The following DDX60 variants were observed in gnomAD, a reference collection of about 807,000 sequenced individuals.
DDX60 encodes DExD/H-box helicase 60.
A neutral mutation model predicts 212.8 loss-of-function variants in DDX60; 165 were observed. The ratio of observed to expected loss-of-function variants is 0.78; its 90% CI spans 0.68 to 0.88. The LOEUF (loss-of-function observed/expected upper bound fraction) is 0.88. DDX60 is among the 40% of genes least tolerant of loss of function. DDX60 has a pLI of 0.00. For missense variants in DDX60, 1,905 were observed against 2,003.9 expected, an observed-to-expected ratio of 0.95 and a Z score of 0.94; for synonymous variants, 703 against 685.3, an observed-to-expected ratio of 1.03 and a Z score of -0.40.
chr4:168,233,068 A>C (rs181928989), intron 33 of DDX60, among the ~76,000 whole-genome samples: 1 of 152,282 alleles, frequency 6.6e-6, no homozygotes, highest in East Asian at 1.9e-4. Context: ...GACAATTCTC[A>C]AAAGAAAATA....
intron 14 of DDX60, among the ~76,000 whole-genome samples, chr4:168,278,001 A>G (rs962030203): frequency 6.6e-6 from 1 of 152,092 alleles, no homozygotes; most frequent in Non-Finnish European, 1.5e-5. Flanking sequence ...GTTACTTAGT[A>G]GCCACCTTGA....
chr4:168,253,309 G>A (rs147989446), intron 26 of DDX60, among the ~76,000 whole-genome samples: 39 of 151,982 alleles, frequency 2.6e-4, no homozygotes, highest in African/African-American at 8.4e-4. Flanking sequence ...TCTCTTCCTC[G>A]GCCTTCATGA....
upstream of DDX60, among the ~76,000 whole-genome samples, chr4:168,320,056 G>C (rs533563502): frequency 3.9e-5 from 6 of 152,250 alleles, no homozygotes; most frequent in South Asian, 1.2e-3. Flanking sequence ...ACACATGATT[G>C]GTCTTAAATC....
At chr4:168,325,733 G>A in the DDX60 span, among the ~76,000 whole-genome samples, 9 of 152,346 alleles carry the variant, frequency 5.9e-5, no homozygotes, top group African/African-American at 1.9e-4. Context: ...CCAAATAGTC[G>A]TGAACAAACT....
chr4:168,218,654 T>C (rs1447405723), intron 37 of DDX60, among the ~76,000 whole-genome samples: 1 of 152,104 alleles, frequency 6.6e-6, no homozygotes, highest in East Asian at 1.9e-4. Context: ...CTGATATAGA[T>C]CCAAATTCCA....
intron 1 of DDX60, among the ~76,000 whole-genome samples, chr4:168,312,920 T>C (rs1361769183): frequency 2.6e-5 from 4 of 152,178 alleles, no homozygotes; most frequent in African/African-American, 9.6e-5. Flanking sequence ...GGACCCTTAA[T>C]GGAGACACGA....
intron 14 of DDX60, among the ~76,000 whole-genome samples, chr4:168,277,827 A>G (rs978528247): frequency 6.6e-6 from 1 of 151,906 alleles, no homozygotes; most frequent in Non-Finnish European, 1.5e-5. Context: ...AAAAAGAAAA[A>G]AAAAAAAAAG....
upstream of DDX60, among the ~76,000 whole-genome samples, chr4:168,323,366 C>T (rs1193917026): frequency 1.3e-5 from 2 of 152,238 alleles, no homozygotes; most frequent in Middle Eastern, 6.8e-3. Flanking sequence ...GAGTCCCCAG[C>T]GGTTGTGAAT....
intron 5 of DDX60, 91 bp downstream of exon 5, chr4:168,306,288 T>C: frequency 1.2e-6 from 1 of 815,922 alleles, no homozygotes; most frequent in East Asian, 2.7e-5. Context: ...CCTCTGATAA[T>C]TTCCTAGAGG....
chr4:168,236,234 C>G lies in DDX60; in HGVS notation c.4533+18G>C. On this transcript the variant is annotated intron_variant, in intron 33 of 37. Transcript: ENST00000393743. The stretch of plus-strand genomic sequence containing the variant: ...GTGGTTTTACATTACTAAATTTTAT[C>G]AGAATCACACAGTTTACCTTTGATT... 6.2e-7 allele frequency: 1 copy of G among 1,603,092 alleles called. No individual in the cohort carries two copies. Among genetic ancestry groups the G allele is most frequent in the Non-Finnish European group, 8.5e-7 (1 of 1,175,776 alleles).
intron 1 of DDX60, among the ~76,000 whole-genome samples, chr4:168,315,956 T>A (rs1737352283): frequency 6.6e-6 from 1 of 152,226 alleles, no homozygotes; most frequent in African/African-American, 2.4e-5. Flanking sequence ...ATGGGATTGC[T>A]GGGTCGAATA....
intron 30 of DDX60, among the ~76,000 whole-genome samples, chr4:168,242,538 T>G (rs1261288814): frequency 6.6e-6 from 1 of 152,200 alleles, no homozygotes. Flanking sequence ...GCTTTAAGAT[T>G]TGACTTTCCC....
intron 4 of DDX60, among the ~76,000 whole-genome samples, chr4:168,307,109 A>C (rs2149550417): frequency 6.6e-6 from 1 of 152,358 alleles, no homozygotes; most frequent in South Asian, 2.1e-4. Context: ...AGGTTACTGC[A>C]ACCCTCCTTA....
At chr4:168,284,135 T>C (rs1032237448) in intron 12 of DDX60, among the ~76,000 whole-genome samples, 12 of 152,174 alleles carry the variant, frequency 7.9e-5, no homozygotes, top group African/African-American at 2.7e-4. Flanking sequence ...ACTAAGCTGA[T>C]TAATTTTTCT....
At chr4:168,217,784 G>A (rs559501580) in intron 37 of DDX60, among the ~76,000 whole-genome samples, 1 of 152,196 alleles carries the variant, frequency 6.6e-6, no homozygotes, top group African/African-American at 2.4e-5. Context: ...GCCAAGGAAT[G>A]CCGGCAGCCT....
intron 8 of DDX60, among the ~76,000 whole-genome samples, chr4:168,290,195 C>T (rs546213296): frequency 5.3e-5 from 8 of 152,144 alleles, no homozygotes; most frequent in Admixed American, 1.3e-4. Context: ...ATGCCATCCT[C>T]GGGATAATCA....
intron 30 of DDX60, among the ~76,000 whole-genome samples, chr4:168,244,593 C>T (rs376576499): frequency 7.7e-4 from 117 of 152,080 alleles, no homozygotes; most frequent in African/African-American, 2.6e-3. Context: ...GGTGTGGTGG[C>T]GCATACCTGT....
intron 22 of DDX60, 117 bp downstream of exon 22, chr4:168,267,465 T>C: frequency 2.2e-6 from 1 of 447,442 alleles, no homozygotes; most frequent in Non-Finnish European, 3.8e-6. Context: ...TATCAGTTTC[T>C]GTAATTCTGT....
intron 33 of DDX60, among the ~76,000 whole-genome samples, chr4:168,232,603 A>G (rs1190030005): frequency 6.6e-6 from 1 of 152,010 alleles, no homozygotes; most frequent in South Asian, 2.1e-4. Flanking sequence ...AAAACATAAA[A>G]TGGGGAAAGG....
Sources: allele counts gnomAD v4.1 joint callset (sites outside exome capture counted in the v4.1 genomes callset), GRCh38; gene constraint gnomAD v4.1.1; transcripts MANE v1.5; gene names NCBI Gene and HGNC (gene_info 2026-07-23, HGNC 2026-07-21).